Variants in ESRRG observed in about 807,000 individuals in gnomAD.
ESRRG encodes the protein estrogen-related receptor gamma.
In ESRRG, 13 loss-of-function variants were observed where a neutral mutation model predicts 44.0. The observed-to-expected ratio is 0.30, with a 90% CI of 0.19 to 0.47. The LOEUF (loss-of-function observed/expected upper bound fraction) is 0.47, where lower values mean the gene tolerates loss of function less well. ESRRG is among the 20% of genes least tolerant of loss of function. The pLI, the probability that ESRRG is intolerant of heterozygous loss-of-function variation, is 1.00. For missense variants in ESRRG, 395 were observed against 580.6 expected, an observed-to-expected ratio of 0.68 and a Z score of 3.29; for synonymous variants, 215 against 214.6, an observed-to-expected ratio of 1.00 and a Z score of -0.02.
chr1:217,019,660 C>T (rs1285634898), intron 1 of ESRRG, among the ~76,000 whole-genome samples: 1 of 152,320 alleles, frequency 6.6e-6, no homozygotes, highest in Non-Finnish European at 1.5e-5. Context: ...TTAGGAAACA[C>T]TGAGCCTGTC....
At chr1:217,042,164 T>C (rs1469641806) in intron 1 of ESRRG, among the ~76,000 whole-genome samples, 1 of 152,238 alleles carries the variant, frequency 6.6e-6, no homozygotes, top group Non-Finnish European at 1.5e-5. Context: ...TAGCTCTATT[T>C]GTTTTTCTTG....
chr1:216,875,628 TTTATA>T (rs1432874661), intron 2 of ESRRG, among the ~76,000 whole-genome samples: 1 of 151,784 alleles, frequency 6.6e-6, no homozygotes, highest in African/African-American at 2.4e-5. Flanking sequence ...GAATTCTATA[TTTATA>T]TTATATTTAT....
chr1:216,914,662 C>G (rs538301934), intron 2 of ESRRG, among the ~76,000 whole-genome samples: 1 of 152,284 alleles, frequency 6.6e-6, no homozygotes, highest in African/African-American at 2.4e-5. Context: ...GCACATGTTA[C>G]CCCTTGATAC....
intron 3 of ESRRG, among the ~76,000 whole-genome samples, chr1:216,644,794 AAC>A (rs2067197857): frequency 6.6e-6 from 1 of 152,140 alleles, no homozygotes; most frequent in Non-Finnish European, 1.5e-5. Flanking sequence ...GTATCAATAA[AAC>A]ACATAACTAT....
At chr1:216,691,234 A>G (rs2078998108) in intron 1 of ESRRG, among the ~76,000 whole-genome samples, 1 of 152,192 alleles carries the variant, frequency 6.6e-6, no homozygotes, top group South Asian at 2.1e-4. Flanking sequence ...AGAAATAAGA[A>G]AAAGAGGATA....
At chr1:216,520,449 C>T (rs12027943) in intron 5 of ESRRG, among the ~76,000 whole-genome samples, 57,738 of 151,566 alleles carry the variant, frequency 0.38, 12,292 homozygotes, top group East Asian at 0.72. Context: ...AAAACATATG[C>T]AAAAAAATTA....
intron 3 of ESRRG, among the ~76,000 whole-genome samples, chr1:216,592,001 C>T (rs2057747591): frequency 6.6e-6 from 1 of 152,154 alleles, no homozygotes; most frequent in Non-Finnish European, 1.5e-5. Context: ...ATAATGTCAT[C>T]AGTAATGAGA....
chr1:216,693,238 T>C (rs1012149387), intron 1 of ESRRG, among the ~76,000 whole-genome samples: 5 of 151,098 alleles, frequency 3.3e-5, no homozygotes, highest in Non-Finnish European at 5.9e-5. Flanking sequence ...GTTAACATCT[T>C]TTTTTGTGTG....
At chr1:216,632,951 C>G (rs1156714977) in intron 3 of ESRRG, among the ~76,000 whole-genome samples, 1 of 151,964 alleles carries the variant, frequency 6.6e-6, no homozygotes, top group Non-Finnish European at 1.5e-5. Flanking sequence ...AATGTTTAAA[C>G]TATTGGTTCA....
At chr1:216,869,859 G>A (rs752454273) in intron 2 of ESRRG, among the ~76,000 whole-genome samples, 33 of 151,878 alleles carry the variant, frequency 2.2e-4, no homozygotes, top group African/African-American at 7.7e-4. Context: ...TACATTGCTA[G>A]TATATAGAAA....
At chr1:216,609,821 TA>T (rs1336496481) in intron 3 of ESRRG, among the ~76,000 whole-genome samples, 4 of 152,210 alleles carry the variant, frequency 2.6e-5, no homozygotes, top group African/African-American at 9.6e-5. Context: ...AAATCTTCAT[TA>T]GGGGTTAATT....
intron 6 of ESRRG, among the ~76,000 whole-genome samples, chr1:216,509,827 T>A (rs1453531720): frequency 6.6e-6 from 1 of 152,242 alleles, no homozygotes; most frequent in African/African-American, 2.4e-5. Context: ...AGACAATGAT[T>A]CAGCTGGCAG....
rs186466137 is a variant in ESRRG at position 216,696,634 on chromosome 1, A to C, written c.57-19143T>G. On this transcript the variant is annotated intron_variant, in intron 1 of 6. Coordinates refer to ENST00000408911, the MANE Select transcript of ESRRG (RefSeq NM_001438.4). ...ATAATAAAACATACTAAGATTATTT[A>C]TATCATAGTTACTCCCTAATTGGTA... is the stretch of plus-strand genomic sequence containing the variant. 2.6e-5 allele frequency among the ~76,000 whole-genome samples: 4 copies of C among 152,338 alleles called. No homozygotes were observed. The East Asian group carries it at 7.7e-4, about 29-fold the overall frequency.
chr1:217,100,752 G>A (rs1159925071), intron 1 of ESRRG, among the ~76,000 whole-genome samples: 1 of 152,112 alleles, frequency 6.6e-6, no homozygotes, highest in East Asian at 1.9e-4. Context: ...AGTAAGAGGT[G>A]CCACTCTCTT....
At chr1:216,989,523 G>A (rs2075370699) in intron 1 of ESRRG, among the ~76,000 whole-genome samples, 2 of 151,098 alleles carry the variant, frequency 1.3e-5, no homozygotes, top group South Asian at 4.2e-4. Context: ...ACCAATAGGT[G>A]AAAATAGGCT....
At chr1:217,012,982 C>A (rs2078849890) in intron 1 of ESRRG, among the ~76,000 whole-genome samples, 1 of 152,164 alleles carries the variant, frequency 6.6e-6, no homozygotes, top group Non-Finnish European at 1.5e-5. Flanking sequence ...TCTTGGCTTA[C>A]AGATGGTTGT....
chr1:216,680,864 G>T (rs2076921916), intron 1 of ESRRG, among the ~76,000 whole-genome samples: 1 of 152,118 alleles, frequency 6.6e-6, no homozygotes, highest in African/African-American at 2.4e-5. Context: ...TCTAAAATTA[G>T]AGGCACTAAA....
intron 1 of ESRRG, among the ~76,000 whole-genome samples, chr1:217,096,827 T>C (rs1229190229): frequency 6.6e-6 from 1 of 152,198 alleles, no homozygotes. Context: ...TTTTTATTCC[T>C]AGTGCCTAGC....
At chr1:216,620,064 C>A (rs1023152310) in intron 3 of ESRRG, among the ~76,000 whole-genome samples, 3 of 151,942 alleles carry the variant, frequency 2.0e-5, no homozygotes, top group African/African-American at 7.2e-5. Context: ...AAAATTTTTC[C>A]TATAACTTAG....
Sources: allele counts gnomAD v4.1 joint callset (sites outside exome capture counted in the v4.1 genomes callset), GRCh38; gene constraint gnomAD v4.1.1; transcripts MANE v1.5; gene names NCBI Gene and HGNC (gene_info 2026-07-23, HGNC 2026-07-21).